Variants in PRDM5 observed in about 807,000 individuals in gnomAD.
PRDM5 encodes PR/SET domain 5, also known as PR domain zinc finger protein 5.
Under a neutral mutation model 81.2 loss-of-function variants are expected in PRDM5, and 56 were observed. The ratio of observed to expected loss-of-function variants is 0.69; its 90% CI spans 0.56 to 0.86. The LOEUF is 0.86. PRDM5 is among the 40% of genes least tolerant of loss of function. The pLI is 0.00. For missense variants in PRDM5, 697 were observed against 770.1 expected, an observed-to-expected ratio of 0.91 and a Z score of 1.12; for synonymous variants, 267 against 256.4, an observed-to-expected ratio of 1.04 and a Z score of -0.39.
chr4:120,699,424 G>T (rs1165525302), intron 15 of PRDM5, among the ~76,000 whole-genome samples: 1 of 151,836 alleles, frequency 6.6e-6, no homozygotes, highest in Non-Finnish European at 1.5e-5. Flanking sequence ...TTTAAAAACA[G>T]ATAATATAAT....
At chr4:120,919,800 A>C in intron 1 of PRDM5, among the ~76,000 whole-genome samples, 1 of 152,232 alleles carries the variant, frequency 6.6e-6, no homozygotes, top group Non-Finnish European at 1.5e-5. Flanking sequence ...CAGCATGCAA[A>C]AAGTGTCAAT....
At chr4:120,685,731 G>A (rs1214178729) in intron 1 of PRDM5, among the ~76,000 whole-genome samples, 1 of 152,026 alleles carries the variant, frequency 6.6e-6, no homozygotes, top group South Asian at 2.1e-4. Flanking sequence ...TATTAAATCT[G>A]TTTTGTTTAA....
chr4:120,904,226 AT>A (rs1765546458), intron 2 of PRDM5, among the ~76,000 whole-genome samples: 1 of 130,384 alleles, frequency 7.7e-6, no homozygotes, highest in African/African-American at 2.8e-5. Context: ...TCCTTCCTTT[AT>A]AAATTACTCA....
rs568113886 is a variant in PRDM5, at chr4:120,882,325, T to G, written c.177+25149A>C. Among the ~76,000 whole-genome samples, 5 of 152,290 alleles carry G rather than the reference T, an allele frequency of 3.3e-5. No individual in the cohort carries two copies. The East Asian group carries it at 9.7e-4, about 29-fold the overall frequency. The stretch of plus-strand genomic sequence containing the variant: ...ACCACACCCAGCTAATTTTTGTATT[T>G]TCAGTAGAGACGGGGTTTCACCATG... On this transcript the variant is annotated intron_variant, in intron 2 of 15. Coordinates refer to ENST00000264808, the MANE Select transcript of PRDM5 (RefSeq NM_018699.4).
intron 15 of PRDM5, among the ~76,000 whole-genome samples, chr4:120,705,798 G>GGA (rs1453567120): frequency 6.6e-6 from 1 of 152,180 alleles, no homozygotes; most frequent in Non-Finnish European, 1.5e-5. Context: ...AAAGACAGAA[G>GGA]GAGAGAGAGC....
At chr4:120,760,396 T>C (rs531684030) in intron 13 of PRDM5, among the ~76,000 whole-genome samples, 52 of 152,148 alleles carry the variant, frequency 3.4e-4, no homozygotes, top group Non-Finnish European at 6.3e-4. Context: ...AGGTAGTCAC[T>C]TGCAACATTT....
chr4:120,749,510 T>C (rs774461388), intron 14 of PRDM5, among the ~76,000 whole-genome samples: 16 of 152,186 alleles, frequency 1.1e-4, no homozygotes, highest in Non-Finnish European at 2.2e-4. Context: ...ATCTGCTTTC[T>C]GTCCCTGTGC....
intron 3 of PRDM5, among the ~76,000 whole-genome samples, chr4:120,833,269 C>A (rs1460832764): frequency 1.3e-5 from 2 of 152,106 alleles, no homozygotes; most frequent in African/African-American, 2.4e-5. Context: ...CTTCATCCCA[C>A]CCGGGACAGG....
intron 14 of PRDM5, 134 bp downstream of exon 14, chr4:120,754,419 A>C: frequency 1.8e-6 from 1 of 555,336 alleles, no homozygotes; most frequent in South Asian, 3.2e-5. Context: ...AATTATCCTG[A>C]AATATCTGTC....
chr4:120,733,940 A>T (rs1241569580), intron 14 of PRDM5, among the ~76,000 whole-genome samples: 1 of 151,890 alleles, frequency 6.6e-6, no homozygotes, highest in Non-Finnish European at 1.5e-5. Context: ...TTAATGTACC[A>T]GTAAAGTATG....
chr4:120,720,762 C>T (rs984701260), intron 14 of PRDM5, among the ~76,000 whole-genome samples: 1 of 152,162 alleles, frequency 6.6e-6, no homozygotes, highest in Non-Finnish European at 1.5e-5. Flanking sequence ...TACCCATGGC[C>T]TAGTAAACAA....
chr4:120,736,132 C>T (rs1170065637), intron 14 of PRDM5, among the ~76,000 whole-genome samples: 2 of 151,724 alleles, frequency 1.3e-5, no homozygotes, highest in African/African-American at 2.4e-5. Context: ...AGATAATGGC[C>T]TCCAATTCCA....
At chr4:120,865,457 T>A (rs1481454043) in intron 2 of PRDM5, among the ~76,000 whole-genome samples, 1 of 152,230 alleles carries the variant, frequency 6.6e-6, no homozygotes, top group East Asian at 1.9e-4. Flanking sequence ...TGATTTGTTC[T>A]CCTGTAGGAT....
Position 120,798,418 on chromosome 4 carries a change from C to A in PRDM5, c.1037G>T (p.Arg346Leu). The A allele has an allele frequency of 6.2e-7, 1 of 1,601,802 alleles. No homozygotes were observed. Among genetic ancestry groups the A allele is most frequent in the South Asian group, 1.1e-5 (1 of 90,806 alleles). The change falls in exon 10 of 16, where the codon CGA (arginine) becomes CTA (leucine). Residue 346 changes from arginine to leucine, a missense_variant. By Grantham distance (102) the Arg-to-Leu change is moderately radical. Coordinates refer to ENST00000264808, the MANE Select transcript of PRDM5 (RefSeq NM_018699.4). ...ATTACAAATCTCGCAATTATAGGGT[C>A]GTTTTTCTATTAAAAAAATGAGTGG... Reference protein sequence around the residue: ...KRHMITHSEKRPYNCEICNKS... With the variant: ...KRHMITHSEKLPYNCEICNKS...
intron 7 of PRDM5, among the ~76,000 whole-genome samples, chr4:120,813,535 G>C (rs532680490): frequency 1.3e-5 from 2 of 152,092 alleles, no homozygotes; most frequent in African/African-American, 2.4e-5. Flanking sequence ...ATGAATTTTT[G>C]TCTTATTATT....
chr4:120,863,225 C>CACACACACACACACACAT (rs1553997195), intron 2 of PRDM5, among the ~76,000 whole-genome samples: 1 of 138,656 alleles, frequency 7.2e-6, no homozygotes, highest in Non-Finnish European at 1.5e-5. Context: ...CACACACACA[C>CACACACACACACACACAT]ATATATATGT....
chr4:120,700,301 T>C (rs941324446), intron 15 of PRDM5, among the ~76,000 whole-genome samples: 2 of 152,132 alleles, frequency 1.3e-5, no homozygotes, highest in Non-Finnish European at 2.9e-5. Flanking sequence ...TATACAAAAA[T>C]TAACTTTAAG....
downstream of PRDM5, among the ~76,000 whole-genome samples, chr4:120,687,920 T>C (rs1047262553): frequency 6.6e-6 from 1 of 152,166 alleles, no homozygotes; most frequent in Non-Finnish European, 1.5e-5. Context: ...CTGTGAGCAA[T>C]ACATTTTCAT....
intron 11 of PRDM5, among the ~76,000 whole-genome samples, chr4:120,782,944 T>C (rs1749253231): frequency 6.6e-6 from 1 of 152,126 alleles, no homozygotes; most frequent in South Asian, 2.1e-4. Flanking sequence ...CCTTCTTTCA[T>C]ACTTTAATTG....
Sources: gnomAD v4.1 joint callset for allele counts (sites outside exome capture counted in the v4.1 genomes callset) on GRCh38, gnomAD v4.1.1 for gene constraint, MANE v1.5 for transcripts, NCBI Gene and HGNC (gene_info 2026-07-23, HGNC 2026-07-21) for gene names.